The following CNTN5 variants were observed in gnomAD, a reference collection of about 807,000 sequenced individuals.
CNTN5 encodes contactin-5.
A neutral mutation model predicts 129.1 loss-of-function variants in CNTN5; 77 were observed. The ratio of observed to expected loss-of-function variants is 0.60; its 90% confidence interval spans 0.50 to 0.72. The LOEUF (loss-of-function observed/expected upper bound fraction) is 0.72. Among genes scored for constraint, CNTN5 ranks in the 30% least tolerant of loss-of-function variants. The pLI is 0.00. For missense variants in CNTN5, 1,478 were observed against 1,328.8 expected, an observed-to-expected ratio of 1.11 and a Z score of -1.75; for synonymous variants, 509 against 465.6, an observed-to-expected ratio of 1.09 and a Z score of -1.20.
intron 1 of CNTN5, among the ~76,000 whole-genome samples, chr11:99,148,365 C>CA (rs5793974): frequency 4.2e-4 from 63 of 148,752 alleles, no homozygotes; most frequent in African/African-American, 9.4e-4. Flanking sequence ...TTTATTTGAG[C>CA]AAAAAAAAAA....
intron 3 of CNTN5, among the ~76,000 whole-genome samples, chr11:99,588,201 G>A (rs1312912690): frequency 1.3e-5 from 2 of 152,026 alleles, no homozygotes; most frequent in Non-Finnish European, 2.9e-5. Context: ...AAAATTAGCT[G>A]GGCCTATTGG....
intron 2 of CNTN5, among the ~76,000 whole-genome samples, chr11:99,406,681 C>T (rs1481247014): frequency 6.6e-6 from 1 of 152,196 alleles, no homozygotes; most frequent in Admixed American, 6.5e-5. Flanking sequence ...GAGGTGCTAT[C>T]TGGGAGCCAG....
At chr11:99,100,982 C>T (rs1299843921) in intron 1 of CNTN5, among the ~76,000 whole-genome samples, 1 of 152,116 alleles carries the variant, frequency 6.6e-6, no homozygotes, top group African/African-American at 2.4e-5. Context: ...CTGATAAAGG[C>T]AGACCTGAGC....
At chr11:99,841,987 A>C (rs1947521509) in intron 4 of CNTN5, among the ~76,000 whole-genome samples, 1 of 151,670 alleles carries the variant, frequency 6.6e-6, no homozygotes. Context: ...CCATTGTTCA[A>C]GCGATTCTCC....
rs1944108458 is a variant in CNTN5, at chr11:99,447,254, GA to G, written c.-70-108889del. On this transcript the variant is annotated intron_variant, in intron 2 of 24. Coordinates refer to ENST00000524871, the MANE Select transcript of CNTN5 (RefSeq NM_014361.4). The stretch of plus-strand genomic sequence containing the variant: ...TATATTAAAAATATGCTGCTGTTTA[GA>G]ATGTTTGCTATAATTATTCTCTACT... 2.6e-5 allele frequency among the ~76,000 whole-genome samples: 4 copies of G among 152,118 alleles called. 1 individual carries two copies. Among genetic ancestry groups the G allele is most frequent in the Admixed American group, 2.6e-4 (4 of 15,264 alleles).
At chr11:99,641,278 G>A (rs1305188343) in intron 3 of CNTN5, among the ~76,000 whole-genome samples, 1 of 152,168 alleles carries the variant, frequency 6.6e-6, no homozygotes, top group Non-Finnish European at 1.5e-5. Context: ...AATACTGAGT[G>A]GAACAAAAGG....
intron 3 of CNTN5, among the ~76,000 whole-genome samples, chr11:99,610,995 T>C (rs1045101088): frequency 6.6e-6 from 1 of 152,200 alleles, no homozygotes; most frequent in Non-Finnish European, 1.5e-5. Flanking sequence ...TGCTTACTAA[T>C]GTAGTTGAGC....
intron 7 of CNTN5, among the ~76,000 whole-genome samples, chr11:99,930,042 C>A (rs780462117): frequency 2.0e-5 from 3 of 152,150 alleles, no homozygotes; most frequent in Non-Finnish European, 4.4e-5. Context: ...TTATCCTGGT[C>A]TTTTCCCCTT....
intron 2 of CNTN5, among the ~76,000 whole-genome samples, chr11:99,499,043 T>C (rs1236459746): frequency 2.0e-5 from 3 of 152,128 alleles, no homozygotes; most frequent in Middle Eastern, 3.2e-3. Flanking sequence ...TAAAGCACTA[T>C]TGAGTTACTG....
intron 3 of CNTN5, among the ~76,000 whole-genome samples, chr11:99,775,910 A>G (rs544092070): frequency 1.2e-3 from 187 of 152,208 alleles, no homozygotes; most frequent in African/African-American, 4.4e-3. Context: ...AAATAAAGAC[A>G]TTAGAATATG....
At chr11:99,383,048 G>C (rs1204219759) in intron 2 of CNTN5, among the ~76,000 whole-genome samples, 2 of 150,712 alleles carry the variant, frequency 1.3e-5, no homozygotes, top group Non-Finnish European at 3.0e-5. Context: ...GTAGAGACAG[G>C]GTTTCACCAT....
chr11:99,625,957 A>G (rs945535794), intron 3 of CNTN5, among the ~76,000 whole-genome samples: 1 of 151,578 alleles, frequency 6.6e-6, no homozygotes, highest in Admixed American at 6.6e-5. Context: ...AATCTAATGA[A>G]ATTTAGGATT....
chr11:99,104,534 A>G (rs556501155), intron 1 of CNTN5, among the ~76,000 whole-genome samples: 1 of 152,232 alleles, frequency 6.6e-6, no homozygotes, highest in South Asian at 2.1e-4. Flanking sequence ...AACTGATTTT[A>G]CATGTTCTCA....
intron 1 of CNTN5, among the ~76,000 whole-genome samples, chr11:99,218,267 CT>C (rs1860229566): frequency 6.6e-6 from 1 of 152,072 alleles, no homozygotes; most frequent in Admixed American, 6.6e-5. Flanking sequence ...TCTTTTCTGC[CT>C]TTTTGCTGGC....
At chr11:99,035,705 G>A (rs1037119305) in intron 1 of CNTN5, among the ~76,000 whole-genome samples, 1 of 151,598 alleles carries the variant, frequency 6.6e-6, no homozygotes, top group African/African-American at 2.4e-5. Flanking sequence ...GCACACTGAT[G>A]GGTCTTGACT....
intron 2 of CNTN5, among the ~76,000 whole-genome samples, chr11:99,544,824 T>A (rs1302964708): frequency 6.6e-6 from 1 of 152,240 alleles, no homozygotes; most frequent in Non-Finnish European, 1.5e-5. Context: ...AGTTCCTATC[T>A]ACTTGATCAC....
chr11:99,522,529 T>G (rs911329229), intron 2 of CNTN5, among the ~76,000 whole-genome samples: 3 of 152,086 alleles, frequency 2.0e-5, no homozygotes, highest in Non-Finnish European at 4.4e-5. Context: ...AAAGAAGGAA[T>G]AAAAAGATAC....
chr11:99,388,788 C>T (rs1236077791), intron 2 of CNTN5, among the ~76,000 whole-genome samples: 1 of 152,094 alleles, frequency 6.6e-6, no homozygotes, highest in East Asian at 1.9e-4. Context: ...CAAACTTGCC[C>T]AGTTTTCAAC....
intron 1 of CNTN5, among the ~76,000 whole-genome samples, chr11:99,082,839 G>A (rs1865860856): frequency 6.6e-6 from 1 of 151,972 alleles, no homozygotes; most frequent in African/African-American, 2.4e-5. Context: ...ACACAACAAG[G>A]AAAAACATAG....
Sources: gnomAD v4.1 joint callset for allele counts (sites outside exome capture counted in the v4.1 genomes callset) on GRCh38, gnomAD v4.1.1 for gene constraint, MANE v1.5 for transcripts, NCBI Gene and HGNC (gene_info 2026-07-23, HGNC 2026-07-21) for gene names.